Variants in DNAH3 observed in about 807,000 individuals in gnomAD.
DNAH3 encodes axonemal beta dynein heavy chain 3.
DNAH3 carries 332 observed loss-of-function variants against 432.5 expected under a neutral mutation model. The observed-to-expected ratio is 0.77, with a 90% CI of 0.70 to 0.84. The LOEUF (loss-of-function observed/expected upper bound fraction) is 0.84. Ranked by LOEUF, DNAH3 falls within the 40% of genes least tolerant of loss-of-function variation. The pLI is 0.00. For synonymous variants in DNAH3, 1,956 were observed against 1,900.2 expected, an observed-to-expected ratio of 1.03 and a Z score of -0.76; for missense variants, 4,861 against 5,114.0, an observed-to-expected ratio of 0.95 and a Z score of 1.51.
At chr16:20,959,464 C>T in intron 53 of DNAH3, 60 bp from the exon 54 acceptor site, 1 of 1,515,098 alleles carries the variant, frequency 6.6e-7, no homozygotes, top group Non-Finnish European at 9.1e-7. Context: ...AGTAACAGAA[C>T]AGCTATATCA....
At chr16:20,944,582 T>C in exon 58 of DNAH3, 1 of 1,614,088 alleles carries the variant, frequency 6.2e-7, no homozygotes, top group Non-Finnish European at 8.5e-7. Flanking sequence ...TGGTTGTCTT[T>C]GGTGATGTCT....
intron 25 of DNAH3, 26 bp from the exon 26 acceptor site, chr16:21,060,382 G>A: frequency 1.3e-6 from 2 of 1,591,340 alleles, no homozygotes; most frequent in African/African-American, 1.3e-5. Flanking sequence ...GAGAGAGGGT[G>A]CAGCAGTCAA....
intron 21 of DNAH3, among the ~76,000 whole-genome samples, chr16:21,074,375 A>G (rs967020221): frequency 1.3e-5 from 2 of 152,164 alleles, no homozygotes; most frequent in African/African-American, 4.8e-5. Flanking sequence ...ATTTTAAAGC[A>G]TTCCAGATGA....
rs1287059175 is a variant in DNAH3, at chr16:21,047,061, G to A, written c.4461+2508C>T. Among the ~76,000 whole-genome samples the A allele has an allele frequency of 5.9e-5, 9 of 152,124 alleles. No individual in the cohort carries two copies. The East Asian group carries it at 7.7e-4, about 13-fold the overall frequency. On this transcript the variant is annotated intron_variant, in intron 31 of 61. Transcript: ENST00000261383. ...GAGAGATCCGCTGTTACTCTGACGC[G>A]CTTCCCTTTGAGGGTAACCCGACCT...
rs189787930 is a variant in DNAH3, at chr16:20,978,897, C to T, written c.8076+433G>A. ...AGGCTCAAAGAAGTGAAATAACATG[C>T]CCCTGGCTCTACAGCTGGTATGCTG... is the stretch of plus-strand genomic sequence containing the variant. On this transcript the variant is annotated intron_variant, in intron 50 of 61. Transcript: ENST00000261383. Among the ~76,000 whole-genome samples, 38 of 151,890 alleles carry T rather than the reference C, an allele frequency of 2.5e-4. No homozygotes were observed. In the East Asian group the frequency reaches 6.2e-3, roughly 25 times the overall value.
At chr16:21,017,751 T>C (rs985495884) in intron 41 of DNAH3, among the ~76,000 whole-genome samples, 3 of 152,188 alleles carry the variant, frequency 2.0e-5, no homozygotes, top group African/African-American at 7.2e-5. Context: ...GATGGCCATG[T>C]ATCAAATGAA....
chr16:20,997,058 T>C, intron 44 of DNAH3: 1 of 477,578 alleles, frequency 2.1e-6, no homozygotes, highest in Non-Finnish European at 3.7e-6. Context: ...GACTCTCTGT[T>C]TCTCTAGGGC....
intron 31 of DNAH3, 24 bp from the exon 32 acceptor site, chr16:21,042,227 T>A: frequency 6.4e-7 from 1 of 1,566,464 alleles, no homozygotes. Context: ...GCCCGGCTGA[T>A]AAGAGCATCT....
chr16:21,060,610 C>T (rs1294095690), intron 25 of DNAH3, among the ~76,000 whole-genome samples: 5 of 148,778 alleles, frequency 3.4e-5, no homozygotes, highest in African/African-American at 7.4e-5. Context: ...CTGCAACCTC[C>T]GACTCCCTGG....
chr16:21,030,142 A>C (rs879696529), intron 37 of DNAH3, among the ~76,000 whole-genome samples: 2 of 152,152 alleles, frequency 1.3e-5, no homozygotes, highest in Admixed American at 6.5e-5. Flanking sequence ...GCACTTTTGC[A>C]ATGTGACCTG....
At chr16:20,995,401 GA>G (rs2086721266) in intron 44 of DNAH3, among the ~76,000 whole-genome samples, 1 of 151,806 alleles carries the variant, frequency 6.6e-6, no homozygotes, top group African/African-American at 2.4e-5. Flanking sequence ...GGGTAGCTGG[GA>G]TAACAGGTGT....
intron 18 of DNAH3, among the ~76,000 whole-genome samples, chr16:21,093,540 C>G (rs2091595616): frequency 6.6e-6 from 1 of 151,960 alleles, no homozygotes; most frequent in Non-Finnish European, 1.5e-5. Context: ...CAACAAAATC[C>G]CAGCAGAGTT....
chr16:21,104,165 T>C (rs752173538), intron 16 of DNAH3: 47 of 259,358 alleles, frequency 1.8e-4, no homozygotes, highest in Non-Finnish European at 3.1e-4. Context: ...AATTTCACTA[T>C]TATTATTGGG....
chr16:21,070,305 G>T (rs1045589864), intron 22 of DNAH3, among the ~76,000 whole-genome samples: 1 of 151,900 alleles, frequency 6.6e-6, no homozygotes, highest in African/African-American at 2.4e-5. Flanking sequence ...TTTTTGAGAC[G>T]GAGTTTCACT....
chr16:21,035,335 C>G (rs993429100), intron 35 of DNAH3, among the ~76,000 whole-genome samples: 1 of 152,016 alleles, frequency 6.6e-6, no homozygotes, highest in Non-Finnish European at 1.5e-5. Flanking sequence ...AAATAAAAAA[C>G]GAATAAGAGA....
At chr16:20,970,073 G>A in intron 51 of DNAH3, 83 bp from the exon 52 acceptor site, 1 of 1,288,352 alleles carries the variant, frequency 7.8e-7, no homozygotes, top group Non-Finnish European at 1.1e-6. Flanking sequence ...TCCTACATGA[G>A]GAAGAAGGAA....
intron 59 of DNAH3, among the ~76,000 whole-genome samples, chr16:20,939,386 C>T (rs925232703): frequency 6.6e-6 from 1 of 152,036 alleles, no homozygotes; most frequent in African/African-American, 2.4e-5. Flanking sequence ...CCAAGGTGGG[C>T]GGATCACCTG....
chr16:20,991,230 T>C (rs1168187136), intron 44 of DNAH3, among the ~76,000 whole-genome samples: 2 of 152,184 alleles, frequency 1.3e-5, no homozygotes, highest in Non-Finnish European at 2.9e-5. Context: ...CAGGGTTTAA[T>C]TGTTTAATTC....
chr16:21,081,482 G>A lies in DNAH3; in HGVS notation c.2969+154C>T, dbSNP rs144983883. ...TAAAAAACAGAAGCTTCACCAATAC[G>A]AGTTGGTAGCTGCAGGTAATTAAAT... is the stretch of plus-strand genomic sequence containing the variant. On this transcript the variant is annotated intron_variant, in intron 20 of 61. Coordinates refer to ENST00000261383, the Ensembl canonical transcript of DNAH3. 2.4e-3 allele frequency among the ~76,000 whole-genome samples: 371 copies of A among 151,500 alleles called. 2 individuals carry two copies. The highest frequency in any genetic ancestry group is 8.4e-3 in the African/African-American group (348 of 41,276).
Sources: allele counts gnomAD v4.1 joint callset (sites outside exome capture counted in the v4.1 genomes callset), GRCh38; gene constraint gnomAD v4.1.1; transcripts MANE v1.5; gene names NCBI Gene and HGNC (gene_info 2026-07-23, HGNC 2026-07-21).